GALNT8: variants seen among roughly 807,000 people sequenced by gnomAD.
GALNT8 encodes probable polypeptide N-acetylgalactosaminyltransferase 8.
Under a neutral mutation model 62.7 loss-of-function variants are expected in GALNT8, and 66 were observed. The ratio of observed to expected loss-of-function variants is 1.05; its 90% CI spans 0.86 to 1.29. The LOEUF (loss-of-function observed/expected upper bound fraction) is 1.29, where lower values mean the gene tolerates loss of function less well. GALNT8 is among the 50% of genes most tolerant of loss of function. GALNT8 has a pLI of 0.00. For missense variants in GALNT8, 771 were observed against 791.8 expected (o/e 0.97, Z 0.32); for synonymous variants, 288 against 294.3 (o/e 0.98, Z 0.22).
chr12:4,754,466 AG>A (rs1946335681), intron 6 of GALNT8, among the ~76,000 whole-genome samples: 1 of 152,166 alleles, frequency 6.6e-6, no homozygotes. Context: ...CCAAAGTTAG[AG>A]GCCAGTGCCA....
intron 1 of GALNT8, among the ~76,000 whole-genome samples, chr12:4,721,612 A>G (rs192247636): frequency 3.9e-4 from 60 of 152,324 alleles, no homozygotes; most frequent in African/African-American, 1.4e-3. Flanking sequence ...TCCCACCTCC[A>G]GCCCTAAGGC....
In GALNT8 at chr12:4,726,479, C is replaced by T; in HGVS notation, c.212-53C>T. The T allele has an allele frequency of 7.6e-7, 1 of 1,311,340 alleles. No homozygotes were observed. The highest frequency in any genetic ancestry group is 1.1e-6 in the Non-Finnish European group (1 of 933,136). The allele number at this position is 1,311,340 out of a possible 1,614,324, so 81.2% of individuals were successfully genotyped here. On this transcript the variant is annotated intron_variant, in intron 1 of 10. Coordinates refer to ENST00000252318, the MANE Select transcript of GALNT8 (RefSeq NM_017417.2). The surrounding 1 kb of genome is among the most constrained non-coding windows in gnomAD (Gnocchi z 4.1). ...AGGATGGAAAGGAATACCCAGGTAACTAAGGAGGGGCTGAAATGTTTTCTC... is the reference window on the plus strand; with the variant it reads ...AGGATGGAAAGGAATACCCAGGTAATTAAGGAGGGGCTGAAATGTTTTCTC...
intron 5 of GALNT8, 63 bp from the exon 6 acceptor site, chr12:4,746,081 C>A: frequency 1.1e-6 from 1 of 897,922 alleles, no homozygotes; most frequent in South Asian, 1.4e-5. Context: ...AATCATTGAG[C>A]ATCCCACCCC....
At chr12:4,739,802 C>A (rs1946263532) in intron 3 of GALNT8, among the ~76,000 whole-genome samples, 1 of 151,806 alleles carries the variant, frequency 6.6e-6, no homozygotes, top group Non-Finnish European at 1.5e-5. Context: ...GTAGCTGGGA[C>A]TACAGGCACC....
intron 3 of GALNT8, among the ~76,000 whole-genome samples, chr12:4,740,786 T>G (rs1946268583): frequency 6.6e-6 from 1 of 152,182 alleles, no homozygotes; most frequent in East Asian, 1.9e-4. Flanking sequence ...TGACCCATTG[T>G]GTAGATGTGC....
chr12:4,752,969 C>T (rs1406352200), intron 6 of GALNT8, among the ~76,000 whole-genome samples: 1 of 152,012 alleles, frequency 6.6e-6, no homozygotes, highest in Non-Finnish European at 1.5e-5. Flanking sequence ...AAAGTTTTTT[C>T]CTTCAACACT....
intron 10 of GALNT8, among the ~76,000 whole-genome samples, chr12:4,767,851 A>G (rs1243568869): frequency 6.6e-6 from 1 of 152,256 alleles, no homozygotes. Flanking sequence ...TAGTGTGTGT[A>G]AAGCATTTAG....
At chr12:4,724,148 CAAAAAAAA>C (rs11456593) in intron 1 of GALNT8, among the ~76,000 whole-genome samples, 1 of 48,092 alleles carries the variant, frequency 2.1e-5, no homozygotes, top group Non-Finnish European at 3.5e-5. Context: ...GACTCCGTCT[CAAAAAAAA>C]AAAAAAAAAA....
At position 4,726,673 on chromosome 12, in the gene GALNT8, T is replaced by C; in HGVS notation, c.353T>C (p.Leu118Pro). 1 of 1,613,906 alleles carries C rather than the reference T, an allele frequency of 6.2e-7. No homozygotes were observed. ...AAGAAGCACAAAACCCAAATGAAAC[T>C]CTTCCCACACTCACAGCTTTTCAGG... ...ETKKHKTQMK[L>P]FPHSQLFRQW... Residue 118 changes from leucine (L) to proline (P), a missense_variant, in exon 2 of 11, where the codon CTC becomes CCC. Leu to Pro is a moderately conservative substitution (Grantham distance 98). Coordinates refer to ENST00000252318, the MANE Select transcript of GALNT8 (RefSeq NM_017417.2). This position sits in a 1 kb window ranked among gnomAD's most constrained non-coding sequence, Gnocchi z 4.1.
At position 4,726,772 on chromosome 12, in the gene GALNT8, C is replaced by A. The variant is rs547136904; in HGVS notation, c.452C>A (p.Ala151Glu). ...CTCTTCCGGAAGTTTGGTTACAACG[C>A]GTACCTCAGCAACCAGCTGCCTCTC... The part of the protein sequence containing the change: ...QDLFRKFGYN[A>E]YLSNQLPLNR... Residue 151 changes from alanine to glutamate, a missense_variant, in exon 2 of 11, where the codon GCG becomes GAG. Coordinates refer to ENST00000252318, the MANE Select transcript of GALNT8 (RefSeq NM_017417.2). This position sits in a 1 kb window ranked among gnomAD's most constrained non-coding sequence, Gnocchi z 4.1. The A allele has an allele frequency of 1.9e-6, 3 of 1,613,998 alleles. No homozygotes were observed. The highest frequency in any genetic ancestry group is 2.5e-6 in the Non-Finnish European group (3 of 1,179,992).
rs1293342439 is a variant in GALNT8 at position 4,744,534 on chromosome 12, T to C, written c.694T>C (p.Leu232=). 1.4e-5 allele frequency: 23 copies of C among 1,609,686 alleles called. No individual in the cohort carries two copies. The highest frequency in any genetic ancestry group is 2.0e-5 in the Non-Finnish European group (23 of 1,177,666). ...FSSNGELKVH[L]DEKIKLYNQK... The stretch of plus-strand genomic sequence containing the variant: ...ATTGACAGGAGAACTAAAGGTACAC[T>C]TGGATGAGAAGATTAAGCTTTACAA... Residue 232 remains leucine (L), a synonymous_variant, in exon 4 of 11, where the codon TTG becomes CTG. Coordinates refer to ENST00000252318, the MANE Select transcript of GALNT8 (RefSeq NM_017417.2).
Position 4,746,169 on chromosome 12 carries a change from G to A in GALNT8, c.1084G>A (p.Ala362Thr), listed in dbSNP as rs1946298706. The A allele has an allele frequency of 8.1e-6, 13 of 1,611,566 alleles. No individual in the cohort carries two copies. The highest frequency in any genetic ancestry group is 1.1e-5 in the Non-Finnish European group (13 of 1,177,738). ...VKSPSIMGILAANRHFLGEIG... is the reference protein window; with the variant it reads ...VKSPSIMGILTANRHFLGEIG... ...GAGTCCTTCAATCATGGGCATCCTGGCTGCTAACAGGCACTTCCTGGGAGA... is the reference window on the plus strand; with the variant it reads ...GAGTCCTTCAATCATGGGCATCCTGACTGCTAACAGGCACTTCCTGGGAGA... Residue 362 changes from alanine to threonine, a missense_variant, in exon 6 of 11, where the codon GCT becomes ACT. Transcript: ENST00000252318.
intron 2 of GALNT8, among the ~76,000 whole-genome samples, chr12:4,736,272 A>G (rs1236891926): frequency 1.3e-5 from 2 of 152,218 alleles, no homozygotes; most frequent in East Asian, 3.8e-4. Context: ...CTTGAACAAT[A>G]AACTACTCTG....
In GALNT8 at chr12:4,726,834, GA is replaced by G. The variant is rs777577885; in HGVS notation, c.509+6del. ...CCCCGACACGCGAGACTACAGGTGG[GA>G]TGAACCAGGCTTGGGCTTCTAGGGT... On this transcript the variant is annotated splice_donor_region_variant and intron_variant, in intron 2 of 10. Transcript: ENST00000252318. This position sits in a 1 kb window ranked among gnomAD's most constrained non-coding sequence, Gnocchi z 4.1. The G allele has an allele frequency of 5.0e-6, 8 of 1,604,764 alleles. No individual in the cohort carries two copies. The highest frequency in any genetic ancestry group is 6.8e-6 in the Non-Finnish European group (8 of 1,174,586).
At chr12:4,739,080 C>T (rs1946258652) in intron 2 of GALNT8, 83 bp from the exon 3 acceptor site, 2 of 840,996 alleles carry the variant, frequency 2.4e-6, no homozygotes, top group Non-Finnish European at 3.6e-6. Context: ...GATATAACAT[C>T]ATACAGAGTG....
chr12:4,761,071 T>G lies in GALNT8; in HGVS notation c.1287T>G (p.Ala429=). 1 of 1,614,044 alleles carries G rather than the reference T, an allele frequency of 6.2e-7. No homozygotes were observed. Among genetic ancestry groups the G allele is most frequent in the South Asian group, 1.1e-5 (1 of 91,074 alleles). Residue 429 remains alanine, a synonymous_variant, in exon 7 of 11, where the codon GCT becomes GCG. Coordinates refer to ENST00000252318, the MANE Select transcript of GALNT8 (RefSeq NM_017417.2). ...LDLTAALKRN[A]LRVAEIWMDE... ...TCACCGCTGCCTTGAAGCGCAATGCTCTGCGAGTGGCCGAAATCTGGATGG... is the reference window on the plus strand; with the variant it reads ...TCACCGCTGCCTTGAAGCGCAATGCGCTGCGAGTGGCCGAAATCTGGATGG...
chr12:4,742,753 C>T (rs189606312), intron 3 of GALNT8, among the ~76,000 whole-genome samples: 7 of 151,984 alleles, frequency 4.6e-5, no homozygotes, highest in East Asian at 3.9e-4. Context: ...TAGGGAGCGC[C>T]GAAGGAATGG....
At chr12:4,764,725 T>TC (rs1271061524) in intron 9 of GALNT8, among the ~76,000 whole-genome samples, 1 of 150,976 alleles carries the variant, frequency 6.6e-6, no homozygotes, top group East Asian at 1.9e-4. Context: ...TTGTATTTTT[T>TC]TTTTTTTTAG....
At position 4,746,223 on chromosome 12, in the gene GALNT8, A is replaced by G. The variant is rs888477389; in HGVS notation, c.1138A>G (p.Ile380Val). ...EIGSLDGGMLIYGGENVELSL... is the reference protein window; with the variant it reads ...EIGSLDGGMLVYGGENVELSL... ...CGGGTCTCTGGATGGTGGAATGCTC[A>G]TCTATGGAGGAGAGAACGTGGAGCT... The change falls in exon 6 of 11, where the codon ATC becomes GTC. Residue 380 changes from isoleucine (I) to valine (V), a missense_variant. Ile to Val is a conservative substitution (Grantham distance 29). Transcript: ENST00000252318. 22 of 1,611,024 alleles carry G rather than the reference A, an allele frequency of 1.4e-5. No individual in the cohort carries two copies. The highest frequency in any genetic ancestry group is 1.9e-5 in the Non-Finnish European group (22 of 1,177,302).
Sources: gnomAD v4.1 joint callset for allele counts (sites outside exome capture counted in the v4.1 genomes callset) on GRCh38, gnomAD v4.1.1 for gene constraint, Gnocchi (gnomAD v3.1) non-coding constraint, MANE v1.5 for transcripts, NCBI Gene and HGNC (gene_info 2026-07-23, HGNC 2026-07-21) for gene names.